Variants in GPR176 observed in about 807,000 individuals in gnomAD.
GPR176 encodes G-protein coupled receptor 176.
GPR176 carries 26 observed loss-of-function variants against 35.4 expected under a neutral mutation model. That is an observed-to-expected ratio of 0.74 (90% confidence interval 0.54 to 1.02). The LOEUF is 1.02. GPR176 is among the 50% of genes least tolerant of loss of function. GPR176 has a pLI of 0.00. For missense variants in GPR176, 597 were observed against 665.3 expected, an observed-to-expected ratio of 0.90 and a Z score of 1.13; for synonymous variants, 278 against 271.3, an observed-to-expected ratio of 1.02 and a Z score of -0.24.
chr15:39,801,655 T>C lies in GPR176; in HGVS notation c.1025A>G (p.Tyr342Cys). ...TGTACTGACCACATTACGGCGACTG[T>C]ACCGGTGGTGTAGTTGCACCAGGGT... ...IGTLVQLHHR[Y>C]SRRNVVSTGS... The change falls in exon 3 of 3, where the codon TAC (tyrosine) becomes TGC (cysteine). Residue 342 changes from tyrosine (Y) to cysteine (C), a missense_variant. Around this residue, in one of 3 missense-constraint regions of GPR176, gnomAD observed 251 missense variants for 255.4 expected, o/e 0.98. Transcript: ENST00000561100. 1 of 1,613,914 alleles carries C rather than the reference T, an allele frequency of 6.2e-7. No homozygotes were observed. Among genetic ancestry groups the C allele is most frequent in the South Asian group, 1.1e-5 (1 of 91,082 alleles).
Position 39,801,955 on chromosome 15 carries a change from A to G in GPR176, c.725T>C (p.Ile242Thr), listed in dbSNP as rs1898903897. 2 of 1,614,098 alleles carry G rather than the reference A, an allele frequency of 1.2e-6. No homozygotes were observed. Among genetic ancestry groups the G allele is most frequent in the East Asian group, 2.2e-5 (1 of 44,874 alleles). ...LSASQKKKVIIAALRTPQNTI... is the reference protein window; with the variant it reads ...LSASQKKKVITAALRTPQNTI... Reference sequence around the variant, plus strand: ...GTTCTGTGGGGTCCGGAGCGCTGCTATGATGACCTTCTTCTTCTGGCTGGC... The same window carrying G: ...GTTCTGTGGGGTCCGGAGCGCTGCTGTGATGACCTTCTTCTTCTGGCTGGC... The change falls in exon 3 of 3, where the codon ATA (isoleucine) becomes ACA (threonine). Residue 242 changes from isoleucine to threonine, a missense_variant. By Grantham distance (89) the Ile-to-Thr change is moderately conservative. Transcript: ENST00000561100.
chr15:39,810,928 TA>T (rs1899505275), intron 1 of GPR176, among the ~76,000 whole-genome samples: 1 of 152,240 alleles, frequency 6.6e-6, no homozygotes, highest in Non-Finnish European at 1.5e-5. Context: ...GCTGGATTTT[TA>T]AATGCCTTAT....
chr15:39,810,983 T>C (rs1025163244), intron 1 of GPR176, among the ~76,000 whole-genome samples: 2 of 152,214 alleles, frequency 1.3e-5, no homozygotes, highest in African/African-American at 4.8e-5. Flanking sequence ...AAGAGTCTCT[T>C]GGGTTTAAAG....
chr15:39,845,247 C>T (rs1196271898), intron 1 of GPR176, among the ~76,000 whole-genome samples: 2 of 152,060 alleles, frequency 1.3e-5, no homozygotes, highest in East Asian at 3.9e-4. Context: ...GATCAATTCA[C>T]ATGAAGTCCT....
At chr15:39,902,670 T>C (rs1224981224) in intron 1 of GPR176, among the ~76,000 whole-genome samples, 1 of 152,238 alleles carries the variant, frequency 6.6e-6, no homozygotes, top group African/African-American at 2.4e-5. Context: ...TCTGTGTTCC[T>C]GGAAATTGAA....
chr15:39,813,390 T>C (rs1008776116), intron 1 of GPR176: 3 of 152,206 alleles, frequency 2.0e-5, no homozygotes, highest in Non-Finnish European at 4.4e-5. Flanking sequence ...AAAATGTCTT[T>C]CTTTTTTCTT....
intron 2 of GPR176, 28 bp from the exon 3 acceptor site, chr15:39,802,282 C>A: frequency 6.6e-7 from 1 of 1,515,414 alleles, no homozygotes. Flanking sequence ...AAAATTAATT[C>A]CACAGAAGAT....
At chr15:39,815,987 C>T (rs118021576) in intron 1 of GPR176, among the ~76,000 whole-genome samples, 389 of 152,280 alleles carry the variant, frequency 2.6e-3, no homozygotes, top group Non-Finnish European at 4.7e-3. Flanking sequence ...GAAATCCTGT[C>T]ATTTGCAATA....
chr15:39,891,042 G>T (rs2032853552), intron 1 of GPR176, among the ~76,000 whole-genome samples: 1 of 152,130 alleles, frequency 6.6e-6, no homozygotes, highest in African/African-American at 2.4e-5. Flanking sequence ...AATCTTTTTA[G>T]CTATGTAACA....
rs890275971 is a variant in GPR176, at chr15:39,875,039, T to C, written c.172+44816A>G. Among the ~76,000 whole-genome samples the C allele has an allele frequency of 2.0e-5, 3 of 151,998 alleles. No homozygotes were observed. The South Asian group carries it at 6.2e-4, about 32-fold the overall frequency. On this transcript the variant is annotated intron_variant, in intron 1 of 2. Transcript: ENST00000561100. ...CCTGGGCAACAAGAGCGAAACTCCA[T>C]CTCAAAAACAAAAACAAACAAACAA...
chr15:39,916,020 A>G (rs1313003891), intron 1 of GPR176, among the ~76,000 whole-genome samples: 1 of 152,268 alleles, frequency 6.6e-6, no homozygotes, highest in African/African-American at 2.4e-5. Flanking sequence ...GCCACAGATG[A>G]CAGGCAACCT....
At position 39,801,617 on chromosome 15, in the gene GPR176, C is replaced by T. The variant is rs2140769341; in HGVS notation, c.1063G>A (p.Ala355Thr). The change falls in exon 3 of 3, where the codon GCT (alanine) becomes ACT (threonine). Residue 355 changes from alanine (A) to threonine (T), a missense_variant. Physicochemically the swap from Ala to Thr is moderately conservative, Grantham distance 58. Coordinates refer to ENST00000561100, the MANE Select transcript of GPR176 (RefSeq NM_007223.3). The stretch of plus-strand genomic sequence containing the variant: ...ATGCTGGGTTCCAGGCTGGCCTCAG[C>T]CATGCCACTCCCTGTACTGACCACA... Reference protein sequence around the residue: ...RNVVSTGSGMAEASLEPSIRS... With the variant: ...RNVVSTGSGMTEASLEPSIRS... 2 of 1,614,064 alleles carry T rather than the reference C, an allele frequency of 1.2e-6. No homozygotes were observed. The highest frequency in any genetic ancestry group is 1.7e-6 in the Non-Finnish European group (2 of 1,179,918).
intron 1 of GPR176, among the ~76,000 whole-genome samples, chr15:39,902,847 A>G (rs1313632313): frequency 1.3e-5 from 2 of 152,244 alleles, no homozygotes; most frequent in African/African-American, 4.8e-5. Flanking sequence ...GGGAGTAAAT[A>G]TCACATATTC....
chr15:39,907,385 C>T (rs1260462265), intron 1 of GPR176, among the ~76,000 whole-genome samples: 1 of 152,198 alleles, frequency 6.6e-6, no homozygotes, highest in Non-Finnish European at 1.5e-5. Flanking sequence ...TCCCGCTCTG[C>T]CCTCCAAGCC....
At chr15:39,886,855 A>G (rs1309466378) in intron 1 of GPR176, among the ~76,000 whole-genome samples, 1 of 152,194 alleles carries the variant, frequency 6.6e-6, no homozygotes, top group Non-Finnish European at 1.5e-5. Flanking sequence ...TTACTGACCT[A>G]CCAGATTGTG....
chr15:39,859,955 G>A (rs1275229019), intron 1 of GPR176, among the ~76,000 whole-genome samples: 1 of 150,182 alleles, frequency 6.7e-6, no homozygotes, highest in African/African-American at 2.5e-5. Context: ...TAAATATGTG[G>A]CATGTGTTTT....
intron 1 of GPR176, among the ~76,000 whole-genome samples, chr15:39,820,759 T>C (rs1900218986): frequency 6.6e-6 from 1 of 152,208 alleles, no homozygotes; most frequent in Non-Finnish European, 1.5e-5. Context: ...CAAATCCTAA[T>C]ACTTGCTTTT....
chr15:39,899,122 C>G lies in GPR176; in HGVS notation c.172+20733G>C, dbSNP rs1056795390. Among the ~76,000 whole-genome samples the G allele has an allele frequency of 3.3e-5, 5 of 152,172 alleles. No individual in the cohort carries two copies. The East Asian group carries it at 7.7e-4, about 23-fold the overall frequency. ...ATCAGCTAGACATTTGCAGGAAATG[C>G]AGAATCCTGGACTCCATCGTAGACC... On this transcript the variant is annotated intron_variant, in intron 1 of 2. Transcript: ENST00000561100.
chr15:39,854,527 G>T (rs1684931), intron 1 of GPR176, among the ~76,000 whole-genome samples: 5,903 of 152,104 alleles, frequency 0.039, 397 homozygotes, highest in African/African-American at 0.13. Context: ...ACTCTATCTT[G>T]TTCCCTGACA....
Sources: allele counts gnomAD v4.1 joint callset (sites outside exome capture counted in the v4.1 genomes callset), GRCh38; gene constraint gnomAD v4.1.1; regional missense constraint gnomAD v4.1.1; transcripts MANE v1.5; gene names NCBI Gene and HGNC (gene_info 2026-07-23, HGNC 2026-07-21).